The following ZSCAN25 variants were observed in gnomAD, a reference collection of about 807,000 sequenced individuals.
ZSCAN25 encodes zinc finger and SCAN domain containing 25.
A neutral mutation model predicts 38.7 loss-of-function variants in ZSCAN25; 27 were observed. The ratio of observed to expected loss-of-function variants is 0.70; its 90% CI spans 0.51 to 0.96. The LOEUF is 0.96. Ranked by LOEUF, ZSCAN25 falls within the 40% of genes least tolerant of loss-of-function variation. The pLI is 0.00. For synonymous variants in ZSCAN25, 273 were observed against 277.7 expected (o/e 0.98, Z 0.17); for missense variants, 637 against 705.9 (o/e 0.90, Z 1.11).
the ZSCAN25 span, among the ~76,000 whole-genome samples, chr7:99,726,628 C>T: frequency 2.0e-5 from 3 of 152,212 alleles, no homozygotes; most frequent in Non-Finnish European, 4.4e-5. Context: ...GCTGTACTGC[C>T]ACAAGGCTTC....
At chr7:99,648,199 T>C in the ZSCAN25 span, 2 of 1,479,628 alleles carry the variant, frequency 1.4e-6, no homozygotes, top group Middle Eastern at 1.8e-4. Context: ...TGCAGTACAT[T>C]AGATTAAGCC....
At chr7:99,729,091 CTTAT>C in the ZSCAN25 span, among the ~76,000 whole-genome samples, 12 of 152,140 alleles carry the variant, frequency 7.9e-5, no homozygotes, top group Non-Finnish European at 1.8e-4. Flanking sequence ...CAGGCAAATA[CTTAT>C]TTTGGACCCA....
At chr7:99,635,534 A>G (rs1808239584), downstream of ZSCAN25, among the ~76,000 whole-genome samples, 1 of 152,202 alleles carries the variant, frequency 6.6e-6, no homozygotes, top group African/African-American at 2.4e-5. Context: ...ATTTCTTACC[A>G]AAAGGTTTAG....
the ZSCAN25 span, chr7:99,722,317 T>C: frequency 6.2e-7 from 1 of 1,613,636 alleles, no homozygotes; most frequent in Non-Finnish European, 8.5e-7. Context: ...TCTATACTTT[T>C]TATAACATTC....
the ZSCAN25 span, among the ~76,000 whole-genome samples, chr7:99,641,737 A>C: frequency 6.6e-6 from 1 of 152,146 alleles, no homozygotes; most frequent in East Asian, 1.9e-4. Flanking sequence ...TATACCCTAC[A>C]TCTAAGCCAT....
At chr7:99,652,681 C>G in the ZSCAN25 span, 1 of 1,614,082 alleles carries the variant, frequency 6.2e-7, no homozygotes, top group Non-Finnish European at 8.5e-7. Context: ...TCTTGCAAGT[C>G]CTCTCAAGTC....
the ZSCAN25 span, chr7:99,717,209 T>C: frequency 6.2e-7 from 1 of 1,613,934 alleles, no homozygotes. Context: ...CTGTCTCTGC[T>C]TCCCGCCTCA....
chr7:99,703,393 G>A, the ZSCAN25 span, among the ~76,000 whole-genome samples: 18 of 152,278 alleles, frequency 1.2e-4, no homozygotes, highest in South Asian at 8.3e-4. Flanking sequence ...AGACTTGGGC[G>A]CTAAGTGTGC....
the ZSCAN25 span, among the ~76,000 whole-genome samples, chr7:99,656,690 G>A: frequency 2.6e-5 from 4 of 152,126 alleles, no homozygotes; most frequent in East Asian, 1.9e-4. Context: ...GGTAGAATTC[G>A]GCGGTGAATC....
chr7:99,683,335 T>G, the ZSCAN25 span, among the ~76,000 whole-genome samples: 2 of 152,226 alleles, frequency 1.3e-5, no homozygotes, highest in Admixed American at 1.3e-4. Context: ...AGTATATGTT[T>G]TTTTGTACAC....
At chr7:99,676,671 C>T in the ZSCAN25 span, 4 of 681,710 alleles carry the variant, frequency 5.9e-6, no homozygotes, top group Admixed American at 2.0e-5. Context: ...CACTGGGAGC[C>T]TATGGTGACA....
chr7:99,673,982 C>T, the ZSCAN25 span, among the ~76,000 whole-genome samples: 12 of 152,234 alleles, frequency 7.9e-5, no homozygotes, highest in African/African-American at 1.9e-4. Flanking sequence ...TTTACAATAG[C>T]GAGTGTGAAC....
chr7:99,718,149 C>A, the ZSCAN25 span, among the ~76,000 whole-genome samples: 1 of 152,026 alleles, frequency 6.6e-6, no homozygotes, highest in Non-Finnish European at 1.5e-5. Flanking sequence ...GGAAGGATAG[C>A]ATTAGGAGTT....
At chr7:99,677,495 C>T in the ZSCAN25 span, among the ~76,000 whole-genome samples, 10 of 152,300 alleles carry the variant, frequency 6.6e-5, no homozygotes, top group South Asian at 1.9e-3. Context: ...GATAAAACGT[C>T]CCGGAGAGTT....
Position 99,622,593 on chromosome 7 carries a change from C to G in ZSCAN25, c.634C>G (p.Pro212Ala). ...QAGPGLPAVN[P>A]RDQEMAAGFF... ...GGGTCCTGGCCTCCCCGCAGTGAAT[C>G]CCAGAGACCAAGAGATGGCAGCTGG... The change falls in exon 6 of 8, where the codon CCC (proline) becomes GCC (alanine). Residue 212 changes from proline to alanine, a missense_variant. Pro to Ala is a conservative substitution (Grantham distance 27, BLOSUM62 -1). Transcript: ENST00000394152. 1.2e-6 allele frequency: 2 copies of G among 1,614,154 alleles called. No individual in the cohort carries two copies. The highest frequency in any genetic ancestry group is 1.7e-6 in the Non-Finnish European group (2 of 1,180,034).
chr7:99,677,664 A>G, the ZSCAN25 span, among the ~76,000 whole-genome samples: 1 of 152,210 alleles, frequency 6.6e-6, no homozygotes, highest in Non-Finnish European at 1.5e-5. Context: ...GGGCAGCATG[A>G]GCAGGCCCAG....
the ZSCAN25 span, among the ~76,000 whole-genome samples, chr7:99,689,681 A>G: frequency 6.6e-6 from 1 of 152,372 alleles, no homozygotes; most frequent in East Asian, 1.9e-4. Context: ...CCAAATCATG[A>G]GTGAACTCCC....
At chr7:99,698,315 T>G in the ZSCAN25 span, among the ~76,000 whole-genome samples, 1 of 152,232 alleles carries the variant, frequency 6.6e-6, no homozygotes, top group Non-Finnish European at 1.5e-5. Flanking sequence ...GATGTCCCTG[T>G]GTCCAGGCTT....
the ZSCAN25 span, among the ~76,000 whole-genome samples, chr7:99,697,620 TTTCTC>T: frequency 2.0e-5 from 3 of 152,194 alleles, no homozygotes; most frequent in African/African-American, 7.2e-5. Context: ...AAGACCTTGT[TTTCTC>T]TTCTATAATG....
Sources: gnomAD v4.1 joint callset for allele counts (sites outside exome capture counted in the v4.1 genomes callset) on GRCh38, gnomAD v4.1.1 for gene constraint, MANE v1.5 for transcripts, NCBI Gene and HGNC (gene_info 2026-07-23, HGNC 2026-07-21) for gene names.